NBAS: variants seen among roughly 807,000 people sequenced by gnomAD.
NBAS encodes the protein NBAS subunit of NRZ tethering complex.
NBAS carries 219 observed loss-of-function variants against 302.5 expected under a neutral mutation model. That is an observed-to-expected ratio of 0.72 (90% confidence interval 0.65 to 0.81). The LOEUF is 0.81. Ranked by LOEUF, NBAS falls within the 30% of genes least tolerant of loss-of-function variation. NBAS has a pLI of 0.00. For synonymous variants in NBAS, 1,118 were observed against 1,021.6 expected, an observed-to-expected ratio of 1.09 and a Z score of -1.80; for missense variants, 2,932 against 2,841.6, an observed-to-expected ratio of 1.03 and a Z score of -0.72.
At chr2:14,979,317 G>A in the NBAS span, among the ~76,000 whole-genome samples, 4 of 152,150 alleles carry the variant, frequency 2.6e-5, no homozygotes, top group African/African-American at 7.2e-5. Context: ...TTGTCTGCTA[G>A]TGTCCTCTTA....
At chr2:14,819,677 T>C in the NBAS span, among the ~76,000 whole-genome samples, 1,659 of 152,288 alleles carry the variant, frequency 0.011, 30 homozygotes, top group African/African-American at 0.037. Context: ...TACATCAAGT[T>C]TAAAAGCTTC....
At chr2:15,093,940 C>G in the NBAS span, among the ~76,000 whole-genome samples, 2 of 152,152 alleles carry the variant, frequency 1.3e-5, no homozygotes, top group African/African-American at 4.8e-5. Context: ...TAATACTTCA[C>G]AGATGTAAAG....
In NBAS at chr2:15,475,740, C is replaced by G; in HGVS notation, c.1288G>C (p.Glu430Gln). 6.2e-7 allele frequency: 1 copy of G among 1,614,074 alleles called. No individual in the cohort carries two copies. Among genetic ancestry groups the G allele is most frequent in the Non-Finnish European group, 8.5e-7 (1 of 1,179,976 alleles). ...NLLGKSCEWFEPSPQVTATHD... is the reference protein window; with the variant it reads ...NLLGKSCEWFQPSPQVTATHD... ...GTAGCAGTGACTTGAGGTGATGGTT[C>G]AAACCATTCACAGGATTTTCCCAGT... The change falls in exon 14 of 52, where the codon GAA (glutamate) becomes CAA (glutamine). Residue 430 changes from glutamate to glutamine, a missense_variant. Physicochemically the swap from Glu to Gln is conservative, Grantham distance 29 (BLOSUM62 2). Coordinates refer to ENST00000281513, the MANE Select transcript of NBAS (RefSeq NM_015909.4).
chr2:14,976,308 C>T, the NBAS span, among the ~76,000 whole-genome samples: 1 of 152,140 alleles, frequency 6.6e-6, no homozygotes, highest in African/African-American at 2.4e-5. Context: ...ATTTGCAGGC[C>T]ATGGTACCAT....
At chr2:14,912,083 C>G in the NBAS span, among the ~76,000 whole-genome samples, 1 of 152,156 alleles carries the variant, frequency 6.6e-6, no homozygotes, top group Non-Finnish European at 1.5e-5. Flanking sequence ...CAGCATGTTA[C>G]CATGCTAATA....
the NBAS span, among the ~76,000 whole-genome samples, chr2:14,852,075 G>A: frequency 8.5e-5 from 3 of 35,108 alleles, no homozygotes; most frequent in East Asian, 5.9e-4. Context: ...TGGAAGTTCT[G>A]GCCAGGGCAA....
the NBAS span, among the ~76,000 whole-genome samples, chr2:15,070,483 G>T: frequency 6.6e-6 from 1 of 152,128 alleles, no homozygotes; most frequent in Non-Finnish European, 1.5e-5. Context: ...CCATTTCTCA[G>T]GAGTGGCTCA....
At chr2:15,145,675 C>T in the NBAS span, among the ~76,000 whole-genome samples, 1 of 152,080 alleles carries the variant, frequency 6.6e-6, no homozygotes. Flanking sequence ...GCAGCTCCCA[C>T]TCCTGCTGCA....
intron 21 of NBAS, among the ~76,000 whole-genome samples, chr2:15,447,898 G>T (rs1000695172): frequency 6.6e-6 from 1 of 152,138 alleles, no homozygotes; most frequent in Admixed American, 6.5e-5. Context: ...AAAATCAAGG[G>T]TTTGGTTTCT....
the NBAS span, among the ~76,000 whole-genome samples, chr2:14,912,764 C>T: frequency 6.8e-6 from 1 of 147,182 alleles, no homozygotes; most frequent in Non-Finnish European, 1.5e-5. Flanking sequence ...AGAGGCCCTA[C>T]AGTTTTCATC....
chr2:15,054,904 A>C, the NBAS span, among the ~76,000 whole-genome samples: 1 of 152,224 alleles, frequency 6.6e-6, no homozygotes, highest in South Asian at 2.1e-4. Context: ...TTTTCTGGCC[A>C]AATAAATTTG....
chr2:14,826,276 G>T, the NBAS span, among the ~76,000 whole-genome samples: 17 of 152,168 alleles, frequency 1.1e-4, no homozygotes, highest in Non-Finnish European at 2.2e-4. Context: ...ATTTTGTGAT[G>T]TTTGAGGTAT....
At chr2:15,213,526 A>G (rs1666515701) in intron 48 of NBAS, among the ~76,000 whole-genome samples, 1 of 152,214 alleles carries the variant, frequency 6.6e-6, no homozygotes, top group Admixed American at 6.5e-5. Flanking sequence ...AATGCTATTC[A>G]AATATCAGTG....
At chr2:15,443,063 C>G (rs1678520226) in intron 21 of NBAS, among the ~76,000 whole-genome samples, 1 of 151,772 alleles carries the variant, frequency 6.6e-6, no homozygotes, top group African/African-American at 2.4e-5. Flanking sequence ...CAGCCGAATT[C>G]TACCAGAGGT....
chr2:15,425,444 G>T (rs1677420885), intron 22 of NBAS, among the ~76,000 whole-genome samples: 1 of 152,136 alleles, frequency 6.6e-6, no homozygotes, highest in African/African-American at 2.4e-5. Flanking sequence ...ATACAAGAAT[G>T]TTGTGAAAAT....
At chr2:14,915,179 CT>C in the NBAS span, among the ~76,000 whole-genome samples, 1 of 152,144 alleles carries the variant, frequency 6.6e-6, no homozygotes, top group Non-Finnish European at 1.5e-5. Flanking sequence ...TTCTTTTCTG[CT>C]TTTTTAGATG....
chr2:15,013,409 A>G, the NBAS span, among the ~76,000 whole-genome samples: 4 of 152,350 alleles, frequency 2.6e-5, no homozygotes, highest in Non-Finnish European at 5.9e-5. Context: ...ATCAGATACA[A>G]TCAATACAAT....
chr2:14,831,144 G>A, the NBAS span, among the ~76,000 whole-genome samples: 1 of 152,130 alleles, frequency 6.6e-6, no homozygotes, highest in Non-Finnish European at 1.5e-5. Context: ...TAAAATTGGT[G>A]AGTCGTTTCT....
At chr2:14,784,019 G>C in the NBAS span, among the ~76,000 whole-genome samples, 1 of 152,058 alleles carries the variant, frequency 6.6e-6, no homozygotes, top group African/African-American at 2.4e-5. Flanking sequence ...CACTCTAACT[G>C]GTGTGAGATG....
Sources: allele counts gnomAD v4.1 joint callset (sites outside exome capture counted in the v4.1 genomes callset), GRCh38; gene constraint gnomAD v4.1.1; transcripts MANE v1.5; gene names NCBI Gene and HGNC (gene_info 2026-07-23, HGNC 2026-07-21).